The following TMC2 variants were observed in gnomAD, a reference collection of about 807,000 sequenced individuals.
TMC2 encodes transmembrane channel like 2.
Under a neutral mutation model 105.9 loss-of-function variants are expected in TMC2, and 102 were observed. The ratio of observed to expected loss-of-function variants is 0.96; its 90% confidence interval spans 0.82 to 1.14. The LOEUF is 1.14. Among genes scored for constraint, TMC2 ranks in the 50% most tolerant of loss-of-function variants. The pLI is 0.00. For synonymous variants in TMC2, 402 were observed against 422.8 expected, an observed-to-expected ratio of 0.95 and a Z score of 0.60; for missense variants, 1,093 against 1,134.3, an observed-to-expected ratio of 0.96 and a Z score of 0.52.
intron 7 of TMC2, among the ~76,000 whole-genome samples, chr20:2,589,963 A>T (rs755731229): frequency 6.6e-6 from 1 of 152,146 alleles, no homozygotes; most frequent in Non-Finnish European, 1.5e-5. Flanking sequence ...GCCACCGCGC[A>T]TGGCCGGCAG....
chr20:2,581,197 A>C (rs892261347), intron 7 of TMC2, among the ~76,000 whole-genome samples: 10 of 152,200 alleles, frequency 6.6e-5, no homozygotes, highest in African/African-American at 2.4e-4. Flanking sequence ...AAAACCTTTC[A>C]CATAATGTGA....
At chr20:2,617,416 G>T (rs1170720167) in intron 16 of TMC2, 105 bp downstream of exon 16, 35 of 1,460,990 alleles carry the variant, frequency 2.4e-5, no homozygotes, top group Non-Finnish European at 3.2e-5. Flanking sequence ...CCTGTAAAAG[G>T]CCATGGAACT....
intron 4 of TMC2, among the ~76,000 whole-genome samples, chr20:2,565,378 T>C (rs2086056434): frequency 6.6e-6 from 1 of 152,246 alleles, no homozygotes; most frequent in South Asian, 2.1e-4. Flanking sequence ...TCAGGAATTC[T>C]GGCTCCAGAG....
chr20:2,603,224 TAA>T (rs768255140), intron 11 of TMC2, among the ~76,000 whole-genome samples: 5 of 139,858 alleles, frequency 3.6e-5, no homozygotes, highest in Admixed American at 7.2e-5. Context: ...AAGCCCAGTT[TAA>T]AAAAAAAAAA....
chr20:2,625,638 C>T (rs1266298904), intron 17 of TMC2, among the ~76,000 whole-genome samples: 1 of 152,214 alleles, frequency 6.6e-6, no homozygotes, highest in Admixed American at 6.5e-5. Flanking sequence ...TTTATCCATT[C>T]CTCTGCATAG....
At chr20:2,619,532 T>C (rs1382005724) in intron 16 of TMC2, among the ~76,000 whole-genome samples, 1 of 152,150 alleles carries the variant, frequency 6.6e-6, no homozygotes, top group Non-Finnish European at 1.5e-5. Flanking sequence ...CTTTGAGAAA[T>C]GCTGATCCGG....
At chr20:2,582,623 G>A (rs1029889743) in intron 7 of TMC2, among the ~76,000 whole-genome samples, 9 of 151,976 alleles carry the variant, frequency 5.9e-5, no homozygotes, top group African/African-American at 1.4e-4. Flanking sequence ...TTACAGGCAC[G>A]CACCACCAGA....
At chr20:2,572,099 T>G in intron 4 of TMC2, 80 bp from the exon 5 acceptor site, 3 of 1,032,030 alleles carry the variant, frequency 2.9e-6, no homozygotes, top group Non-Finnish European at 4.5e-6. Context: ...CCTTCACACA[T>G]GTGTTTGAGG....
intron 16 of TMC2, among the ~76,000 whole-genome samples, 163 bp from the exon 17 acceptor site, chr20:2,624,106 CAG>C (rs1319296986): frequency 7.2e-5 from 11 of 152,234 alleles, no homozygotes; most frequent in East Asian, 1.9e-4. Flanking sequence ...GGCAGCCCCT[CAG>C]GGGGAATTTT....
chr20:2,628,658 G>T (rs189952015), intron 17 of TMC2, among the ~76,000 whole-genome samples: 3 of 152,180 alleles, frequency 2.0e-5, no homozygotes, highest in South Asian at 2.1e-4. Context: ...TCTCCTTCCC[G>T]CCACTTTGTG....
chr20:2,610,432 T>A lies in TMC2; in HGVS notation c.1427T>A (p.Met476Lys). Residue 476 changes from methionine (M) to lysine (K), a missense_variant, in exon 12 of 20, where the codon ATG becomes AAG. Physicochemically the swap from Met to Lys is moderately conservative, Grantham distance 95. Transcript: ENST00000358864. ...CTGATTCCTCAGGTAGAGATCGTGA[T>A]GTCCCTGCTTGGAATGTTTTGTCCC... The part of the protein sequence containing the change: ...WYERNEVEIV[M>K]SLLGMFCPPL... 1.2e-6 allele frequency: 2 copies of A among 1,612,158 alleles called. No individual in the cohort carries two copies. Among genetic ancestry groups the A allele is most frequent in the Non-Finnish European group, 8.5e-7 (1 of 1,178,938 alleles).
rs560599456 is a variant in TMC2 at position 2,637,831 on chromosome 20, G to A, written c.2503+240G>A. ...TACCAGAATTCCTGGCACAGAGAAT[G>A]AGCCAATGAATACCAGCTGGCAGTA... On this transcript the variant is annotated intron_variant, in intron 19 of 19. Coordinates refer to ENST00000358864, the MANE Select transcript of TMC2 (RefSeq NM_080751.3). Among the ~76,000 whole-genome samples, 82 of 152,268 alleles carry A rather than the reference G, an allele frequency of 5.4e-4. 2 individuals carry two copies. The South Asian group carries it at 0.016, about 30-fold the overall frequency.
At chr20:2,539,990 C>CTTTT (rs57860432) in intron 2 of TMC2, among the ~76,000 whole-genome samples, 28 of 115,086 alleles carry the variant, frequency 2.4e-4, no homozygotes, top group South Asian at 5.9e-4. Context: ...CTTTTCTTTT[C>CTTTT]TTTTTTTTTT....
chr20:2,615,349 G>A (rs982473367), intron 14 of TMC2, among the ~76,000 whole-genome samples: 6 of 152,166 alleles, frequency 3.9e-5, no homozygotes, highest in East Asian at 1.9e-4. Flanking sequence ...ACTTCACCCC[G>A]TGGACTTAAT....
At chr20:2,625,179 T>G (rs1016183255) in intron 17 of TMC2, among the ~76,000 whole-genome samples, 3 of 152,192 alleles carry the variant, frequency 2.0e-5, no homozygotes, top group African/African-American at 7.2e-5. Flanking sequence ...ATGTTAGCAT[T>G]TTTTCTTTAT....
In TMC2 at chr20:2,641,255, G is replaced by GC. The variant is rs770439083; in HGVS notation, c.2630dup (p.Gly878TrpfsTer150). The GC allele has an allele frequency of 1.5e-5, 25 of 1,613,912 alleles. No individual in the cohort carries two copies. Among genetic ancestry groups the GC allele is most frequent in the Non-Finnish European group, 1.9e-5 (23 of 1,179,996 alleles). On this transcript the variant is annotated frameshift_variant, in exon 20 of 20. Coordinates refer to ENST00000358864, the MANE Select transcript of TMC2 (RefSeq NM_080751.3). LOFTEE classifies it low-confidence loss of function (END_TRUNC). ...CCTCTGGACACCTTCCTATATCTCG[G>GC]CCCCCTGGAATCGGACCAGATTCTG...
At chr20:2,571,069 T>C (rs1054714608) in intron 4 of TMC2, among the ~76,000 whole-genome samples, 1 of 152,122 alleles carries the variant, frequency 6.6e-6, no homozygotes, top group Non-Finnish European at 1.5e-5. Flanking sequence ...CTAGGAAATA[T>C]CATTCTGGAT....
intron 2 of TMC2, among the ~76,000 whole-genome samples, chr20:2,544,068 A>ATTTTT (rs3051737): frequency 3.0e-5 from 4 of 132,480 alleles, no homozygotes; most frequent in African/African-American, 2.9e-5. Context: ...TGCCTAGCTG[A>ATTTTT]TTTTTTTTTT....
intron 2 of TMC2, among the ~76,000 whole-genome samples, chr20:2,556,506 C>T (rs914605275): frequency 2.6e-5 from 4 of 152,194 alleles, no homozygotes; most frequent in African/African-American, 9.7e-5. Flanking sequence ...CAGGGTGGCT[C>T]ATGCCTATAA....
Sources: allele counts gnomAD v4.1 joint callset (sites outside exome capture counted in the v4.1 genomes callset), GRCh38; gene constraint gnomAD v4.1.1; transcripts MANE v1.5; gene names NCBI Gene and HGNC (gene_info 2026-07-23, HGNC 2026-07-21).